Variants in EPN2 observed in about 807,000 individuals in gnomAD.
EPN2 encodes epsin-2.
Under a neutral mutation model 61.7 loss-of-function variants are expected in EPN2, and 34 were observed. The observed-to-expected ratio is 0.55, with a 90% CI of 0.42 to 0.73. The LOEUF is 0.73. EPN2 is among the 30% of genes least tolerant of loss of function. The pLI, the probability that EPN2 is intolerant of heterozygous loss-of-function variation, is 0.00. For synonymous variants in EPN2, 349 were observed against 353.6 expected (o/e 0.99, Z 0.15); for missense variants, 714 against 839.2 (o/e 0.85, Z 1.84).
chr17:19,266,578 A>G lies in EPN2; in HGVS notation c.-293-15377A>G, dbSNP rs546646155. Among the ~76,000 whole-genome samples the G allele has an allele frequency of 2.6e-5, 4 of 151,458 alleles. No individual in the cohort carries two copies. In the East Asian group the frequency reaches 7.9e-4, roughly 30 times the overall value. On this transcript the variant is annotated intron_variant, in intron 1 of 10. Transcript: ENST00000314728. ...CTACCACGCCTGGCTAATTTTTTGT[A>G]TTTTTAGTAGAGGTGGGGTTTCACT...
At position 19,294,278 on chromosome 17, in the gene EPN2, C is replaced by T. The variant is rs2045494047; in HGVS notation, c.766+8488C>T. On this transcript the variant is annotated intron_variant, in intron 4 of 10. Coordinates refer to ENST00000314728, the MANE Select transcript of EPN2 (RefSeq NM_014964.5). ...ACAAAAAAAAAAAAAATTAACCAGG[C>T]ATGGTGGTGTGCACCTGTAGTCCCA... Among the ~76,000 whole-genome samples the T allele has an allele frequency of 4.0e-5, 6 of 150,534 alleles. No homozygotes were observed. The South Asian group carries it at 1.3e-3, about 31-fold the overall frequency.
chr17:19,303,807 A>G (rs1905667851), intron 4 of EPN2: 1 of 152,098 alleles, frequency 6.6e-6, no homozygotes, highest in African/African-American at 2.4e-5. Context: ...GTTCCTGTTA[A>G]ATATTACCTG....
Position 19,335,469 on chromosome 17 carries a change from C to T in EPN2, c.*1215C>T. 1.3e-6 allele frequency: 2 copies of T among 1,549,552 alleles called. No individual in the cohort carries two copies. The highest frequency in any genetic ancestry group is 1.7e-6 in the Non-Finnish European group (2 of 1,146,358). On this transcript the variant is annotated 3_prime_UTR_variant, in exon 11 of 11. Coordinates refer to ENST00000314728, the MANE Select transcript of EPN2 (RefSeq NM_014964.5). ...TCTGAAATGGAAGAAACATCTTTAA[C>T]CTTGTGTGTCTGTGATCTCCTCTGT...
chr17:19,312,043 C>T lies in EPN2; in HGVS notation c.880-9C>T, dbSNP rs780246035. On this transcript the variant is annotated splice_polypyrimidine_tract_variant and intron_variant, in intron 5 of 10. Coordinates refer to ENST00000314728, the MANE Select transcript of EPN2 (RefSeq NM_014964.5). ...ATTACAATTACCAGTTTGCATTGTC[C>T]CTCTACAGGAAGAACGCCTCAGGCG... 1.3e-6 allele frequency: 2 copies of T among 1,598,762 alleles called. No homozygotes were observed. The highest frequency in any genetic ancestry group is 2.2e-5 in the East Asian group (1 of 44,818).
Position 19,246,869 on chromosome 17 carries a change from G to A in EPN2, c.-294+9338G>A, listed in dbSNP as rs1223443712. On this transcript the variant is annotated intron_variant, in intron 1 of 10. Transcript: ENST00000314728. ...CTGCAGGCTCCGCCCCCGGGTTCAC[G>A]CCATTCTCCTGTCTCAGCCTCCCAA... Among the ~76,000 whole-genome samples the A allele has an allele frequency of 4.8e-5, 7 of 146,852 alleles. No homozygotes were observed. The South Asian group carries it at 8.7e-4, about 18-fold the overall frequency.
chr17:19,323,001 T>G (rs1906713220), intron 7 of EPN2, among the ~76,000 whole-genome samples: 1 of 152,108 alleles, frequency 6.6e-6, no homozygotes, highest in Admixed American at 6.6e-5. Flanking sequence ...AGGGGAGCAT[T>G]CCCTGGTCTT....
intron 1 of EPN2, among the ~76,000 whole-genome samples, chr17:19,266,353 T>G (rs2045197043): frequency 6.6e-6 from 1 of 152,176 alleles, no homozygotes; most frequent in Non-Finnish European, 1.5e-5. Flanking sequence ...AACTGAAAAC[T>G]TGTCCACACA....
At chr17:19,246,242 C>T (rs1229927426) in intron 1 of EPN2, among the ~76,000 whole-genome samples, 3 of 152,148 alleles carry the variant, frequency 2.0e-5, no homozygotes. Flanking sequence ...CCTGTAGTCC[C>T]AGCTACTTGG....
intron 4 of EPN2, among the ~76,000 whole-genome samples, chr17:19,308,814 C>G (rs1905981352): frequency 6.6e-6 from 1 of 152,196 alleles, no homozygotes; most frequent in Admixed American, 6.5e-5. Flanking sequence ...TTTAGATTCC[C>G]TGATCGTGAA....
intron 4 of EPN2, among the ~76,000 whole-genome samples, chr17:19,295,377 C>CGCGCGG: frequency 6.6e-6 from 1 of 151,498 alleles, no homozygotes; most frequent in Non-Finnish European, 1.5e-5. Flanking sequence ...CGCGCGTGCG[C>CGCGCGG]GCAAAATAGC....
chr17:19,326,599 A>G (rs1906880378), intron 7 of EPN2, among the ~76,000 whole-genome samples: 1 of 148,656 alleles, frequency 6.7e-6, no homozygotes, highest in South Asian at 2.2e-4. Flanking sequence ...AGGCAGGAGA[A>G]TGGCATGAAT....
At chr17:19,310,689 T>C (rs1423399139) in intron 5 of EPN2, among the ~76,000 whole-genome samples, 1 of 149,008 alleles carries the variant, frequency 6.7e-6, no homozygotes, top group African/African-American at 2.5e-5. Context: ...GTGATTCTCG[T>C]GCCTCAGCGT....
intron 1 of EPN2, among the ~76,000 whole-genome samples, chr17:19,242,211 C>T (rs911479288): frequency 1.3e-5 from 2 of 149,388 alleles, no homozygotes; most frequent in African/African-American, 2.5e-5. Context: ...CTGAGGTGGG[C>T]GGATCACTTG....
At chr17:19,254,680 C>T (rs778540981) in intron 1 of EPN2, among the ~76,000 whole-genome samples, 4 of 152,096 alleles carry the variant, frequency 2.6e-5, no homozygotes, top group Non-Finnish European at 5.9e-5. Flanking sequence ...TGGGCAAACC[C>T]CACCCTTCTT....
At position 19,335,430 on chromosome 17, in the gene EPN2, G is replaced by A; in HGVS notation, c.*1176G>A. ...GCATGCAGGGATTAACAGGACTTCT[G>A]TTTACAATGGAAATCTGAAATGGAA... is the stretch of plus-strand genomic sequence containing the variant. On this transcript the variant is annotated 3_prime_UTR_variant, in exon 11 of 11. Coordinates refer to ENST00000314728, the MANE Select transcript of EPN2 (RefSeq NM_014964.5). 1.3e-6 allele frequency: 2 copies of A among 1,549,822 alleles called. No individual in the cohort carries two copies. Among genetic ancestry groups the A allele is most frequent in the South Asian group, 2.4e-5 (2 of 83,956 alleles).
chr17:19,267,581 C>T (rs2045213222), intron 1 of EPN2, among the ~76,000 whole-genome samples: 1 of 150,446 alleles, frequency 6.6e-6, no homozygotes, highest in South Asian at 2.1e-4. Flanking sequence ...TCCACTCTGT[C>T]GCCCAGGCTG....
chr17:19,335,364 C>A lies in EPN2; in HGVS notation c.*1110C>A. 1 of 1,540,608 alleles carries A rather than the reference C, an allele frequency of 6.5e-7. No homozygotes were observed. The highest frequency in any genetic ancestry group is 8.8e-7 in the Non-Finnish European group (1 of 1,139,872). ...AAAAAAATCTAATGTATGAATGTGA[C>A]TCACCAATTTTTATCAACTAATTCC... On this transcript the variant is annotated 3_prime_UTR_variant, in exon 11 of 11. Coordinates refer to ENST00000314728, the MANE Select transcript of EPN2 (RefSeq NM_014964.5).
chr17:19,312,841 G>A, intron 6 of EPN2: 1 of 438,432 alleles, frequency 2.3e-6, no homozygotes, highest in Non-Finnish European at 4.1e-6. Flanking sequence ...AGAAGCCAGT[G>A]TTAGCCTGGA....
intron 4 of EPN2, among the ~76,000 whole-genome samples, chr17:19,291,427 ATTTTTTTT>A (rs60753158): frequency 1.4e-5 from 1 of 69,838 alleles, no homozygotes; most frequent in Admixed American, 1.9e-4. Flanking sequence ...TCAGCCATTC[ATTTTTTTT>A]TTTTTTTTTT....
Sources: allele counts gnomAD v4.1 joint callset (sites outside exome capture counted in the v4.1 genomes callset), GRCh38; gene constraint gnomAD v4.1.1; transcripts MANE v1.5; gene names NCBI Gene and HGNC (gene_info 2026-07-23, HGNC 2026-07-21).